Variants in ST6GALNAC3 observed in about 807,000 individuals in gnomAD.
The protein encoded by ST6GALNAC3 is ST6 N-acetylgalactosaminide alpha-2,6-sialyltransferase 3.
In ST6GALNAC3, 25 loss-of-function variants were observed where a neutral mutation model predicts 32.7. The observed-to-expected ratio is 0.76, with a 90% CI of 0.56 to 1.07. The LOEUF (loss-of-function observed/expected upper bound fraction) is 1.07, where lower values mean the gene tolerates loss of function less well. Ranked by LOEUF, ST6GALNAC3 falls within the 50% of genes least tolerant of loss-of-function variation. The pLI is 0.00. For synonymous variants in ST6GALNAC3, 129 were observed against 133.1 expected, an observed-to-expected ratio of 0.97 and a Z score of 0.21; for missense variants, 355 against 382.4, an observed-to-expected ratio of 0.93 and a Z score of 0.60.
At chr1:76,425,605 A>G (rs6593536) in intron 3 of ST6GALNAC3, among the ~76,000 whole-genome samples, 152,060 of 152,084 alleles carry the variant, frequency 1, 76,018 homozygotes, top group Middle Eastern at 1. Flanking sequence ...TCTGACATTC[A>G]TTGGCAAGTT....
chr1:76,425,363 C>A (rs1338240616), intron 3 of ST6GALNAC3, among the ~76,000 whole-genome samples: 1 of 151,964 alleles, frequency 6.6e-6, no homozygotes, highest in Non-Finnish European at 1.5e-5. Flanking sequence ...ATCCTGTTTA[C>A]TAACATACAA....
chr1:76,326,329 G>A (rs936499737), intron 2 of ST6GALNAC3, among the ~76,000 whole-genome samples: 1 of 152,116 alleles, frequency 6.6e-6, no homozygotes, highest in Non-Finnish European at 1.5e-5. Context: ...AATGAAGGGG[G>A]GAGTAAAGTG....
At chr1:76,526,591 A>C (rs1662925834) in intron 3 of ST6GALNAC3, among the ~76,000 whole-genome samples, 1 of 152,070 alleles carries the variant, frequency 6.6e-6, no homozygotes, top group African/African-American at 2.4e-5. Flanking sequence ...TATTTCTTGA[A>C]GCATCTGCTC....
At chr1:76,371,817 A>G (rs1650845769) in intron 2 of ST6GALNAC3, among the ~76,000 whole-genome samples, 1 of 152,146 alleles carries the variant, frequency 6.6e-6, no homozygotes, top group Admixed American at 6.6e-5. Context: ...TAGGTCAACA[A>G]CCTCAGTTTC....
intron 3 of ST6GALNAC3, among the ~76,000 whole-genome samples, chr1:76,589,498 A>G (rs536140390): frequency 1.3e-5 from 2 of 152,052 alleles, no homozygotes; most frequent in Non-Finnish European, 2.9e-5. Context: ...AAAAAAATGT[A>G]TTAAGTGGTT....
At chr1:76,341,195 C>T (rs1050480530) in intron 2 of ST6GALNAC3, among the ~76,000 whole-genome samples, 1 of 151,750 alleles carries the variant, frequency 6.6e-6, no homozygotes, top group Admixed American at 6.6e-5. Context: ...GCCTTGGCCC[C>T]CTTCCTCCCT....
chr1:76,402,038 A>ATTTT (rs10665444), intron 2 of ST6GALNAC3, among the ~76,000 whole-genome samples: 7 of 151,178 alleles, frequency 4.6e-5, no homozygotes, highest in Admixed American at 4.0e-4. Context: ...ATGAATTTAT[A>ATTTT]TTTTTTTTTG....
chr1:76,635,316 T>C (rs535294294), downstream of ST6GALNAC3, among the ~76,000 whole-genome samples: 1 of 152,324 alleles, frequency 6.6e-6, no homozygotes, highest in South Asian at 2.1e-4. Context: ...TATCCAACTC[T>C]ATAAGAGATC....
chr1:76,360,376 T>C (rs1348967490), intron 2 of ST6GALNAC3, among the ~76,000 whole-genome samples: 2 of 152,218 alleles, frequency 1.3e-5, no homozygotes, highest in African/African-American at 4.8e-5. Flanking sequence ...AGTCCTCATA[T>C]GATGGTAAGG....
intron 2 of ST6GALNAC3, among the ~76,000 whole-genome samples, chr1:76,316,449 C>T (rs755682246): frequency 4.6e-5 from 7 of 151,950 alleles, no homozygotes; most frequent in South Asian, 2.1e-4. Flanking sequence ...ACAGCAATGG[C>T]GATGAAGAAA....
chr1:76,276,421 T>G (rs1319563423), intron 1 of ST6GALNAC3, among the ~76,000 whole-genome samples: 8 of 152,226 alleles, frequency 5.3e-5, no homozygotes, highest in Non-Finnish European at 1.0e-4. Flanking sequence ...TGATATCATC[T>G]ATGTGTATTT....
At chr1:76,453,213 A>G (rs1657531939) in intron 3 of ST6GALNAC3, among the ~76,000 whole-genome samples, 1 of 151,760 alleles carries the variant, frequency 6.6e-6, no homozygotes, top group Non-Finnish European at 1.5e-5. Flanking sequence ...AATTTTATTT[A>G]TCTTTTCAAA....
intron 1 of ST6GALNAC3, among the ~76,000 whole-genome samples, chr1:76,243,856 T>C (rs1478304936): frequency 6.6e-6 from 1 of 152,242 alleles, no homozygotes; most frequent in Non-Finnish European, 1.5e-5. Context: ...TGTAGCCTTA[T>C]AGTATAGTTT....
intron 3 of ST6GALNAC3, among the ~76,000 whole-genome samples, chr1:76,592,302 T>A (rs1408334596): frequency 6.6e-6 from 1 of 152,086 alleles, no homozygotes; most frequent in Non-Finnish European, 1.5e-5. Flanking sequence ...AGAAACATTT[T>A]GAAGTAAAAT....
chr1:76,112,627 G>T (rs1360567665), intron 1 of ST6GALNAC3, among the ~76,000 whole-genome samples: 2 of 151,534 alleles, frequency 1.3e-5, no homozygotes, highest in East Asian at 3.9e-4. Context: ...CAGACGGGGC[G>T]GTTGCTGGGC....
intron 1 of ST6GALNAC3, among the ~76,000 whole-genome samples, chr1:76,182,023 T>A (rs1653213746): frequency 6.6e-6 from 1 of 152,198 alleles, no homozygotes; most frequent in African/African-American, 2.4e-5. Context: ...TGGCCAGCTA[T>A]CACCCTGTGT....
chr1:76,113,123 G>A (rs904099139), intron 1 of ST6GALNAC3, among the ~76,000 whole-genome samples: 14 of 152,168 alleles, frequency 9.2e-5, no homozygotes, highest in Admixed American at 7.2e-4. Context: ...ATCACTCGCG[G>A]TTAGGAGCTG....
chr1:76,103,679 T>C (rs1647333321), intron 1 of ST6GALNAC3, among the ~76,000 whole-genome samples: 4 of 152,160 alleles, frequency 2.6e-5, no homozygotes, highest in Admixed American at 2.6e-4. Flanking sequence ...CCAAAGGCTC[T>C]AGGGAAGAAT....
chr1:76,184,519 GCACACACA>G lies in ST6GALNAC3; in HGVS notation c.18+109671_18+109678del, dbSNP rs71071992. Among the ~76,000 whole-genome samples, 280 of 134,168 alleles carry G rather than the reference GCACACACA, an allele frequency of 2.1e-3. 5 individuals are homozygous for G. Among genetic ancestry groups the G allele is most frequent in the South Asian group, 2.2e-3 (8 of 3,702 alleles). 88.0% of individuals were successfully genotyped at this position (134,168 alleles called of 152,430 possible). On this transcript the variant is annotated intron_variant, in intron 1 of 4. Coordinates refer to ENST00000328299, the MANE Select transcript of ST6GALNAC3 (RefSeq NM_152996.4). ...GTGCCACTGCATTCCCTCCTGGGCA[GCACACACA>G]CACACACACACACACACACACACAC...
Sources: allele counts gnomAD v4.1 joint callset (sites outside exome capture counted in the v4.1 genomes callset), GRCh38; gene constraint gnomAD v4.1.1; transcripts MANE v1.5; gene names NCBI Gene and HGNC (gene_info 2026-07-23, HGNC 2026-07-21).